Variants in ZDHHC2 observed in about 807,000 individuals in gnomAD.
ZDHHC2 encodes palmitoyltransferase ZDHHC2.
Under a neutral mutation model 55.6 loss-of-function variants are expected in ZDHHC2, and 51 were observed. The observed-to-expected ratio is 0.92, with a 90% CI of 0.73 to 1.16. The LOEUF is 1.16. Ranked by LOEUF, ZDHHC2 falls within the 50% of genes most tolerant of loss-of-function variation. The pLI is 0.00. For missense variants in ZDHHC2, 491 were observed against 442.4 expected, an observed-to-expected ratio of 1.11 and a Z score of -0.99; for synonymous variants, 199 against 152.9, an observed-to-expected ratio of 1.30 and a Z score of -2.22.
intron 8 of ZDHHC2, among the ~76,000 whole-genome samples, chr8:17,208,482 A>C (rs1356599858): frequency 6.6e-6 from 1 of 152,016 alleles, no homozygotes; most frequent in East Asian, 1.9e-4. Context: ...ATGAGGTTGG[A>C]GAGGTAAGCA....
At chr8:17,168,708 A>C (rs977844404) in intron 1 of ZDHHC2, among the ~76,000 whole-genome samples, 1 of 151,978 alleles carries the variant, frequency 6.6e-6, no homozygotes, top group Non-Finnish European at 1.5e-5. Context: ...CGTGAGTCCA[A>C]CTGTCCAGGT....
intron 1 of ZDHHC2, among the ~76,000 whole-genome samples, chr8:17,179,508 A>C (rs1308159836): frequency 6.6e-6 from 1 of 152,116 alleles, no homozygotes; most frequent in African/African-American, 2.4e-5. Flanking sequence ...TACTGGGCTC[A>C]ATCAGTTCTC....
chr8:17,224,394 T>G lies in ZDHHC2; in HGVS notation c.*4173T>G, dbSNP rs952609484. ...AGCAATTAAACCAAAGGGAAACTTT[T>G]AATAAGTTATTTTAAGCCCTGGTTT... On this transcript the variant is annotated 3_prime_UTR_variant, in exon 13 of 13. Transcript: ENST00000262096. The G allele has an allele frequency of 1.3e-5, 2 of 151,754 alleles. No individual in the cohort carries two copies. The highest frequency in any genetic ancestry group is 6.6e-5 in the Admixed American group (1 of 15,208). The allele number at this position is 151,754 out of a possible 1,614,324, so 9.4% of individuals were successfully genotyped here.
chr8:17,200,798 G>A (rs1250379571), intron 6 of ZDHHC2, among the ~76,000 whole-genome samples: 1 of 152,158 alleles, frequency 6.6e-6, no homozygotes, highest in Non-Finnish European at 1.5e-5. Flanking sequence ...TCCATGGCAT[G>A]CCTACACACC....
At chr8:17,193,494 G>A (rs533217470) in intron 3 of ZDHHC2, among the ~76,000 whole-genome samples, 1 of 152,356 alleles carries the variant, frequency 6.6e-6, no homozygotes, top group South Asian at 2.1e-4. Context: ...CCGAAGTCAG[G>A]ATAGCATTGG....
intron 6 of ZDHHC2, among the ~76,000 whole-genome samples, chr8:17,201,795 C>T (rs1004267679): frequency 6.6e-6 from 1 of 151,956 alleles, no homozygotes; most frequent in Non-Finnish European, 1.5e-5. Context: ...CGCGCCCGGC[C>T]AGGGCAGCTT....
intron 1 of ZDHHC2, among the ~76,000 whole-genome samples, chr8:17,159,170 T>A (rs1383839240): frequency 6.6e-6 from 1 of 152,202 alleles, no homozygotes; most frequent in African/African-American, 2.4e-5. Flanking sequence ...CAGACTCCTT[T>A]CCTTTTCACA....
At chr8:17,187,425 C>T (rs1266676584) in intron 3 of ZDHHC2, among the ~76,000 whole-genome samples, 3 of 151,522 alleles carry the variant, frequency 2.0e-5, no homozygotes, top group African/African-American at 4.9e-5. Flanking sequence ...AAAAAAAAAG[C>T]ATCACTGTAG....
At chr8:17,157,035 C>A (rs1021643161) in intron 1 of ZDHHC2, among the ~76,000 whole-genome samples, 182 bp downstream of exon 1, 1 of 152,082 alleles carries the variant, frequency 6.6e-6, no homozygotes, top group Non-Finnish European at 1.5e-5. Context: ...CGCGCACGCC[C>A]CTCGCCCTCC....
intron 3 of ZDHHC2, among the ~76,000 whole-genome samples, chr8:17,193,332 C>T (rs952063523): frequency 6.6e-6 from 1 of 152,218 alleles, no homozygotes; most frequent in African/African-American, 2.4e-5. Context: ...GAAGAATTCT[C>T]TGGATTACCA....
chr8:17,178,164 A>C (rs796832951), intron 1 of ZDHHC2, among the ~76,000 whole-genome samples: 7 of 152,272 alleles, frequency 4.6e-5, no homozygotes, highest in African/African-American at 1.7e-4. Flanking sequence ...ACTAGATTTA[A>C]GTTACCATCA....
At chr8:17,200,477 G>T (rs1296764185) in intron 6 of ZDHHC2, among the ~76,000 whole-genome samples, 1 of 152,176 alleles carries the variant, frequency 6.6e-6, no homozygotes, top group Non-Finnish European at 1.5e-5. Flanking sequence ...CAGCAGAGTG[G>T]TAGTCATCAT....
At chr8:17,209,182 G>A (rs542152787) in intron 8 of ZDHHC2, among the ~76,000 whole-genome samples, 1 of 152,160 alleles carries the variant, frequency 6.6e-6, no homozygotes, top group African/African-American at 2.4e-5. Flanking sequence ...AAGTCCCAGA[G>A]CCTCTCTGAA....
At chr8:17,196,707 G>A (rs1280175402) in intron 4 of ZDHHC2, among the ~76,000 whole-genome samples, 2 of 151,646 alleles carry the variant, frequency 1.3e-5, no homozygotes, top group Admixed American at 1.3e-4. Context: ...GTTTGAGACC[G>A]GTGTGGCCAA....
At chr8:17,197,124 T>C (rs1189615875) in intron 4 of ZDHHC2, among the ~76,000 whole-genome samples, 1 of 152,176 alleles carries the variant, frequency 6.6e-6, no homozygotes, top group East Asian at 1.9e-4. Context: ...TTAAGCCCCC[T>C]AGAAATAAAT....
chr8:17,167,569 T>G lies in ZDHHC2; in HGVS notation c.130+10716T>G, dbSNP rs190495863. ...ATTCGGCCTCCCAAAGTGCTGGGAT[T>G]ATAGGCGTGAGCCACCACGCCCGGC... On this transcript the variant is annotated intron_variant, in intron 1 of 12. Transcript: ENST00000262096. 3.9e-5 allele frequency among the ~76,000 whole-genome samples: 6 copies of G among 152,236 alleles called. No individual in the cohort carries two copies. The East Asian group carries it at 1.2e-3, about 29-fold the overall frequency.
chr8:17,202,721 T>TTATATATATATA (rs71964858), intron 6 of ZDHHC2, among the ~76,000 whole-genome samples: 16 of 138,130 alleles, frequency 1.2e-4, no homozygotes, highest in African/African-American at 3.4e-4. Flanking sequence ...TTTCTTCTAG[T>TTATATATATATA]TATATATATA....
At chr8:17,157,070 G>C (rs1464604242) in intron 1 of ZDHHC2, among the ~76,000 whole-genome samples, 1 of 151,934 alleles carries the variant, frequency 6.6e-6, no homozygotes, top group East Asian at 1.9e-4. Flanking sequence ...GGTTAAGGTG[G>C]CGCCTCCGCC....
intron 1 of ZDHHC2, among the ~76,000 whole-genome samples, chr8:17,177,858 T>G (rs1162506117): frequency 6.6e-6 from 1 of 151,988 alleles, no homozygotes; most frequent in Non-Finnish European, 1.5e-5. Flanking sequence ...GGTTTTATAT[T>G]GAAAAGTTAG....
Sources: allele counts gnomAD v4.1 joint callset (sites outside exome capture counted in the v4.1 genomes callset), GRCh38; gene constraint gnomAD v4.1.1; transcripts MANE v1.5; gene names NCBI Gene and HGNC (gene_info 2026-07-23, HGNC 2026-07-21).